The following PELP1 variants were observed in gnomAD, a reference collection of about 807,000 sequenced individuals.
The protein encoded by PELP1 is proline-, glutamic acid- and leucine-rich protein 1.
PELP1 carries 32 observed loss-of-function variants against 95.5 expected under a neutral mutation model. That is an observed-to-expected ratio of 0.34 (90% CI 0.25 to 0.45). The LOEUF is 0.45. PELP1 is among the 20% of genes least tolerant of loss of function. PELP1 has a pLI of 1.00. For missense variants in PELP1, 1,358 were observed against 1,444.8 expected (o/e 0.94, Z 0.97); for synonymous variants, 668 against 600.1 (o/e 1.11, Z -1.65).
Position 4,672,823 on chromosome 17 carries a change from A to G in PELP1, c.2168T>C (p.Leu723Pro). The change falls in exon 16 of 17, where the codon CTT (leucine) becomes CCT (proline). Residue 723 changes from leucine to proline, a missense_variant. By Grantham distance (98) the Leu-to-Pro change is moderately conservative. Coordinates refer to ENST00000572293, the MANE Select transcript of PELP1 (RefSeq NM_014389.3). ...CCGGTGGTTCTCAGGGCCAGGAAGA[A>G]GCCGGGGAGGGACAGACACTAGGCC... ...VPGLVSVPPR[L>P]LPGPENHRAG... The G allele has an allele frequency of 3.1e-6, 5 of 1,613,936 alleles. No homozygotes were observed. Among genetic ancestry groups the G allele is most frequent in the Non-Finnish European group, 4.2e-6 (5 of 1,179,848 alleles).
chr17:4,675,286 G>A lies in PELP1; in HGVS notation c.1145C>T (p.Ala382Val). 1.3e-6 allele frequency: 2 copies of A among 1,574,574 alleles called. No homozygotes were observed. Among genetic ancestry groups the A allele is most frequent in the East Asian group, 2.3e-5 (1 of 42,694 alleles). The change falls in exon 10 of 17, where the codon GCA becomes GTA. Residue 382 changes from alanine (A) to valine (V), a missense_variant. This residue lies in a region of PELP1 where 538 missense variants were observed against 628.1 expected (regional missense o/e 0.86). Transcript: ENST00000572293. This position sits in a 1 kb window ranked among gnomAD's most constrained non-coding sequence, Gnocchi z 4.3. ...IHLEALDLLSALILACGSRLL... is the reference protein window; with the variant it reads ...IHLEALDLLSVLILACGSRLL... ...CAATCCCACTCACGCGAGGATGAGT[G>A]CAGACAGCAGGTCCAAGGCCTCAAG... is the stretch of plus-strand genomic sequence containing the variant.
chr17:4,703,561 G>A (rs916021416), intron 1 of PELP1, among the ~76,000 whole-genome samples: 2 of 152,134 alleles, frequency 1.3e-5, no homozygotes, highest in Non-Finnish European at 1.5e-5. Flanking sequence ...ATTGCCAGAG[G>A]AAAAAGAGAC....
Position 4,671,992 on chromosome 17 carries a change from T to G in PELP1, c.2999A>C (p.Glu1000Ala). The G allele has an allele frequency of 6.5e-7, 1 of 1,550,306 alleles. No individual in the cohort carries two copies. The highest frequency in any genetic ancestry group is 8.7e-7 in the Non-Finnish European group (1 of 1,152,294). Residue 1000 changes from glutamate (E) to alanine (A), a missense_variant, in exon 16 of 17, where the codon GAA (glutamate) becomes GCA (alanine). Around this residue, in one of 7 missense-constraint regions of PELP1, gnomAD observed 283 missense variants for 284.1 expected, o/e 1.00. Transcript: ENST00000572293. ...ESPPKVQPEP[E>A]PEPGLLLEVE... ...TTCCAAAAGCAGCCCGGGTTCAGGT[T>G]CGGGTTCTGGCTGCACCTTTGGGGG...
At chr17:4,680,633 A>G (rs1335020381) in intron 5 of PELP1, among the ~76,000 whole-genome samples, 1 of 152,210 alleles carries the variant, frequency 6.6e-6, no homozygotes, top group African/African-American at 2.4e-5. Context: ...AACTAACAAT[A>G]CTAATGGCAA....
intron 3 of PELP1, among the ~76,000 whole-genome samples, chr17:4,690,323 C>G (rs1039727906): frequency 6.6e-6 from 1 of 152,084 alleles, no homozygotes; most frequent in African/African-American, 2.4e-5. Flanking sequence ...TTGAGTACAA[C>G]GTACACTGCT....
intron 5 of PELP1, among the ~76,000 whole-genome samples, chr17:4,677,105 C>T (rs1912512331): frequency 6.6e-6 from 1 of 151,898 alleles, no homozygotes; most frequent in South Asian, 2.1e-4. Flanking sequence ...ATTTTTCCCT[C>T]AAGCCAAAAG....
At chr17:4,696,258 G>A (rs990322960) in intron 1 of PELP1, among the ~76,000 whole-genome samples, 9 of 152,122 alleles carry the variant, frequency 5.9e-5, no homozygotes, top group African/African-American at 1.7e-4. Context: ...CTTGACCCCG[G>A]GAGGTCAAGA....
At position 4,686,581 on chromosome 17, in the gene PELP1, G is replaced by A. The variant is rs562444254; in HGVS notation, c.421-3629C>T. On this transcript the variant is annotated intron_variant, in intron 3 of 16. Coordinates refer to ENST00000572293, the MANE Select transcript of PELP1 (RefSeq NM_014389.3). ...CACCCAGGCTGGAGTGCAGTGGCGC[G>A]ATCTCGGCTCACTGCAACCTCCATC... is the stretch of plus-strand genomic sequence containing the variant. Among the ~76,000 whole-genome samples, 4 of 152,172 alleles carry A rather than the reference G, an allele frequency of 2.6e-5. No homozygotes were observed. The East Asian group carries it at 5.8e-4, about 22-fold the overall frequency.
intron 13 of PELP1, 55 bp downstream of exon 13, chr17:4,674,455 G>C: frequency 1.9e-6 from 3 of 1,540,322 alleles, no homozygotes; most frequent in Non-Finnish European, 2.7e-6. Context: ...CCCACTAGGG[G>C]AAAGGATGGG....
At chr17:4,691,673 G>A (rs906452) in intron 1 of PELP1, 547,010 of 551,474 alleles carry the variant, frequency 0.99, 271,431 homozygotes, top group East Asian at 1. Flanking sequence ...TTCCCTCCAT[G>A]CCCCACCCAA....
At chr17:4,685,792 T>TAAAAAAAAAA (rs750825796) in intron 3 of PELP1, among the ~76,000 whole-genome samples, 4,007 of 119,280 alleles carry the variant, frequency 0.034, 212 homozygotes, top group East Asian at 0.2. Context: ...AACCATGTCT[T>TAAAAAAAAAA]AAAAAAAAAA....
At chr17:4,684,629 T>TG (rs11382632) in intron 3 of PELP1, among the ~76,000 whole-genome samples, 148,902 of 152,288 alleles carry the variant, frequency 0.98, 72,879 homozygotes, top group Middle Eastern at 1. Context: ...CCCCACCACA[T>TG]GACTCTTCCC....
rs867663202 is a variant in PELP1 at position 4,675,324 on chromosome 17, C to T, written c.1107G>A (p.Leu369=). 6.4e-7 allele frequency: 1 copy of T among 1,559,660 alleles called. No individual in the cohort carries two copies. The highest frequency in any genetic ancestry group is 8.7e-7 in the Non-Finnish European group (1 of 1,151,534). The change falls in exon 10 of 17, where the codon CTG becomes CTA. Residue 369 remains leucine, a synonymous_variant. Coordinates refer to ENST00000572293, the MANE Select transcript of PELP1 (RefSeq NM_014389.3). This position sits in a 1 kb window ranked among gnomAD's most constrained non-coding sequence, Gnocchi z 4.3. ...HGDGPLRLLL[L]PSIHLEALDL... ...CCAAGGCCTCAAGGTGGATAGAGGGCAGCAGCAGCAGCCGCAGGGGACCAT... is the reference window on the plus strand; with the variant it reads ...CCAAGGCCTCAAGGTGGATAGAGGGTAGCAGCAGCAGCCGCAGGGGACCAT...
chr17:4,674,463 G>A, intron 13 of PELP1, 47 bp downstream of exon 13: 4 of 1,562,704 alleles, frequency 2.6e-6, no homozygotes, highest in Non-Finnish European at 3.5e-6. Context: ...GGGAAAGGAT[G>A]GGGTCCCGTT....
intron 3 of PELP1, among the ~76,000 whole-genome samples, chr17:4,683,587 C>G (rs1912798370): frequency 7.5e-6 from 1 of 133,234 alleles, no homozygotes; most frequent in Non-Finnish European, 1.6e-5. Context: ...GTGGAATGCA[C>G]TGGGGCAATC....
chr17:4,687,647 CTA>C (rs1392961796), intron 3 of PELP1, among the ~76,000 whole-genome samples: 1 of 151,788 alleles, frequency 6.6e-6, no homozygotes, highest in Non-Finnish European at 1.5e-5. Flanking sequence ...ACAATAGAAA[CTA>C]TATGTGGTTC....
At chr17:4,698,036 G>A in intron 1 of PELP1, among the ~76,000 whole-genome samples, 1 of 138,186 alleles carries the variant, frequency 7.2e-6, no homozygotes. Flanking sequence ...TGTAGAGATA[G>A]GGTCTTGCCA....
intron 1 of PELP1, among the ~76,000 whole-genome samples, chr17:4,698,178 G>C (rs1325512291): frequency 1.3e-5 from 2 of 151,894 alleles, no homozygotes; most frequent in African/African-American, 4.8e-5. Flanking sequence ...CAGTATTCTT[G>C]CTGAAAACGC....
At position 4,675,848 on chromosome 17, in the gene PELP1, C is replaced by T; in HGVS notation, c.1017G>A (p.Gln339=). 1.3e-6 allele frequency: 2 copies of T among 1,592,044 alleles called. No homozygotes were observed. Among genetic ancestry groups the T allele is most frequent in the Non-Finnish European group, 1.7e-6 (2 of 1,169,352 alleles). ...TCCGGCAGATGAAATCCAGGATTTC[C>T]TGCACAGGGACGGACACGGGAGCTC... ...EFGAPVSVPV[Q]EILDFICRTL... Residue 339 remains glutamine, a synonymous_variant, in exon 9 of 17, where the codon CAG becomes CAA. Transcript: ENST00000572293. The surrounding 1 kb of genome is among the most constrained non-coding windows in gnomAD (Gnocchi z 4.3).
Sources: allele counts gnomAD v4.1 joint callset (sites outside exome capture counted in the v4.1 genomes callset), GRCh38; gene constraint gnomAD v4.1.1; regional missense constraint gnomAD v4.1.1; non-coding constraint Gnocchi (gnomAD v3.1); transcripts MANE v1.5; gene names NCBI Gene and HGNC (gene_info 2026-07-23, HGNC 2026-07-21).